Variants in HNRNPC observed in about 807,000 individuals in gnomAD.
HNRNPC encodes heterogeneous nuclear ribonucleoprotein C.
HNRNPC carries 3 observed loss-of-function variants against 33.2 expected under a neutral mutation model. That is an observed-to-expected ratio of 0.09 (90% confidence interval 0.04 to 0.23). HNRNPC has a LOEUF of 0.23. Among genes scored for constraint, HNRNPC ranks in the 10% least tolerant of loss-of-function variants. HNRNPC has a pLI of 1.00. For missense variants in HNRNPC, 143 were observed against 366.7 expected (o/e 0.39, Z 4.98); for synonymous variants, 121 against 126.7 (o/e 0.96, Z 0.30).
chr14:21,233,366 CATCTTAACT>C (rs1220012367), intron 3 of HNRNPC, among the ~76,000 whole-genome samples: 1 of 152,126 alleles, frequency 6.6e-6, no homozygotes, highest in Non-Finnish European at 1.5e-5. Flanking sequence ...TAAAAATAAT[CATCTTAACT>C]TTGTAAAAAC....
intron 5 of HNRNPC, among the ~76,000 whole-genome samples, chr14:21,223,733 G>C (rs1473959333): frequency 1.3e-5 from 2 of 152,124 alleles, no homozygotes; most frequent in Non-Finnish European, 2.9e-5. Flanking sequence ...GGGCAAGAGA[G>C]CCACATCAGG....
Position 21,210,157 on chromosome 14 carries a change from C to T in HNRNPC, c.*1066G>A, listed in dbSNP as rs1168239980. ...GAACAAAATAGAAGCAGGGGGGTTC[C>T]ATTATGCAGCTGTCGCCATTTTCCT... On this transcript the variant is annotated 3_prime_UTR_variant, in exon 9 of 9. Coordinates refer to ENST00000553300, the MANE Select transcript of HNRNPC (RefSeq NM_004500.4). 3 of 152,098 alleles carry T rather than the reference C, an allele frequency of 2.0e-5. No individual in the cohort carries two copies. Among genetic ancestry groups the T allele is most frequent in the Non-Finnish European group, 4.4e-5 (3 of 68,026 alleles). 9.4% of individuals were successfully genotyped at this position (152,098 alleles called of 1,614,324 possible).
chr14:21,223,317 C>T lies in HNRNPC; in HGVS notation c.365+7002G>A, dbSNP rs11845626. On this transcript the variant is annotated intron_variant, in intron 5 of 8. Coordinates refer to ENST00000553300, the MANE Select transcript of HNRNPC (RefSeq NM_004500.4). The stretch of plus-strand genomic sequence containing the variant: ...TGTTGGGTAAAAATGGAATCAAGAC[C>T]GCTCAACTCAGTCATACAGCAGATT... Among the ~76,000 whole-genome samples the T allele has an allele frequency of 2.2e-3, 333 of 152,176 alleles. 4 individuals carry two copies. The highest frequency in any genetic ancestry group is 7.6e-3 in the African/African-American group (317 of 41,480).
rs186514414 is a variant in HNRNPC, at chr14:21,258,707, G to A, written c.-37+4604C>T. 9.9e-5 allele frequency among the ~76,000 whole-genome samples: 15 copies of A among 152,242 alleles called. No homozygotes were observed. In the East Asian group the frequency reaches 2.9e-3, roughly 29 times the overall value. On this transcript the variant is annotated intron_variant, in intron 2 of 8. Transcript: ENST00000553300. ...CTACTTTTTTCTGCCAAATCAGAAA[G>A]CCATTATATGACCCAACAAGGTATC...
chr14:21,234,685 G>GTA (rs1201411869), intron 2 of HNRNPC: 4 of 160,690 alleles, frequency 2.5e-5, no homozygotes, highest in African/African-American at 9.7e-5. Context: ...CACCGGTTCT[G>GTA]TATATATACA....
chr14:21,266,063 A>G (rs1391867985), intron 1 of HNRNPC, among the ~76,000 whole-genome samples: 1 of 152,190 alleles, frequency 6.6e-6, no homozygotes, highest in African/African-American at 2.4e-5. Flanking sequence ...AACCACTGTG[A>G]AGATTTTAAA....
At chr14:21,248,730 A>C (rs72675022) in intron 2 of HNRNPC, among the ~76,000 whole-genome samples, 3 of 152,188 alleles carry the variant, frequency 2.0e-5, no homozygotes, top group Admixed American at 2.0e-4. Flanking sequence ...TTTTAATTAC[A>C]GTGTCTACTG....
At chr14:21,264,539 A>G (rs1374538301) in intron 1 of HNRNPC, 1 of 152,222 alleles carries the variant, frequency 6.6e-6, no homozygotes, top group Non-Finnish European at 1.5e-5. Context: ...GTGTAAAGCT[A>G]ATTTCAAGTT....
intron 2 of HNRNPC, among the ~76,000 whole-genome samples, chr14:21,258,249 G>A (rs1877563274): frequency 6.6e-6 from 1 of 152,074 alleles, no homozygotes; most frequent in African/African-American, 2.4e-5. Flanking sequence ...AATTAGCTGG[G>A]TGTGGTGGTG....
intron 5 of HNRNPC, among the ~76,000 whole-genome samples, chr14:21,214,486 G>A (rs1891939806): frequency 6.6e-6 from 1 of 152,062 alleles, no homozygotes; most frequent in Non-Finnish European, 1.5e-5. Flanking sequence ...AAAGAGCAAG[G>A]AAAGCTGAGA....
At chr14:21,220,898 G>A (rs377236068) in intron 5 of HNRNPC, among the ~76,000 whole-genome samples, 4 of 151,616 alleles carry the variant, frequency 2.6e-5, no homozygotes, top group Admixed American at 6.6e-5. Context: ...ACCAGCCTGG[G>A]CAACATGGTG....
intron 2 of HNRNPC, among the ~76,000 whole-genome samples, chr14:21,242,665 T>C (rs535918856): frequency 2.6e-5 from 4 of 152,216 alleles, no homozygotes; most frequent in Non-Finnish European, 5.9e-5. Context: ...ATCTTTACAA[T>C]GAAGACCTGG....
rs751949611 is a variant in HNRNPC at position 21,209,742 on chromosome 14, C to T, written c.*1481G>A. 1 of 152,142 alleles carries T rather than the reference C, an allele frequency of 6.6e-6. No homozygotes were observed. Among genetic ancestry groups the T allele is most frequent in the Non-Finnish European group, 1.5e-5 (1 of 68,032 alleles). 9.4% of individuals were successfully genotyped at this position (152,142 alleles called of 1,614,324 possible). On this transcript the variant is annotated 3_prime_UTR_variant, in exon 9 of 9. Transcript: ENST00000553300. The stretch of plus-strand genomic sequence containing the variant: ...ATGCTATGAAACAATAGCAACTTTA[C>T]AGGGGAATCCAAGGTTTGTGTGCAC...
chr14:21,250,915 T>C (rs1411068626), intron 2 of HNRNPC, among the ~76,000 whole-genome samples: 1 of 152,236 alleles, frequency 6.6e-6, no homozygotes, highest in Non-Finnish European at 1.5e-5. Flanking sequence ...GATGATGCTA[T>C]GCTGGAGCAC....
chr14:21,213,633 G>T (rs1391317691), intron 5 of HNRNPC, among the ~76,000 whole-genome samples: 1 of 152,086 alleles, frequency 6.6e-6, no homozygotes, highest in Admixed American at 6.6e-5. Context: ...AGTGATATAA[G>T]GTTGAACCAT....
intron 5 of HNRNPC, among the ~76,000 whole-genome samples, chr14:21,224,422 G>C (rs1166390344): frequency 6.6e-6 from 1 of 152,126 alleles, no homozygotes. Flanking sequence ...AATTCTGACA[G>C]CACAAACTCT....
At chr14:21,249,079 T>A (rs1896323615) in intron 2 of HNRNPC, among the ~76,000 whole-genome samples, 1 of 151,998 alleles carries the variant, frequency 6.6e-6, no homozygotes. Context: ...GGGTTTTGAG[T>A]TTTTTAAATT....
chr14:21,246,030 G>C (rs1436094145), intron 2 of HNRNPC, among the ~76,000 whole-genome samples: 1 of 151,896 alleles, frequency 6.6e-6, no homozygotes, highest in Non-Finnish European at 1.5e-5. Flanking sequence ...GACCATGTTG[G>C]CCAGGCTGCT....
chr14:21,221,016 G>A (rs1421915580), intron 5 of HNRNPC, among the ~76,000 whole-genome samples: 1 of 152,136 alleles, frequency 6.6e-6, no homozygotes, highest in Non-Finnish European at 1.5e-5. Context: ...GAAACCGGGA[G>A]GCAAAAGGTG....
Sources: gnomAD v4.1 joint callset for allele counts (sites outside exome capture counted in the v4.1 genomes callset) on GRCh38, gnomAD v4.1.1 for gene constraint, MANE v1.5 for transcripts, NCBI Gene and HGNC (gene_info 2026-07-23, HGNC 2026-07-21) for gene names.